Variants in FBLN2 observed in about 807,000 individuals in gnomAD.
The protein encoded by FBLN2 is fibulin 2.
Under a neutral mutation model 123.7 loss-of-function variants are expected in FBLN2, and 81 were observed. The ratio of observed to expected loss-of-function variants is 0.65; its 90% CI spans 0.55 to 0.79. The LOEUF is 0.79. Ranked by LOEUF, FBLN2 falls within the 30% of genes least tolerant of loss-of-function variation. FBLN2 has a pLI of 0.00. For synonymous variants in FBLN2, 699 were observed against 701.4 expected, an observed-to-expected ratio of 1.00 and a Z score of 0.05; for missense variants, 1,603 against 1,681.3, an observed-to-expected ratio of 0.95 and a Z score of 0.81.
intron 1 of FBLN2, among the ~76,000 whole-genome samples, chr3:13,551,816 A>T (rs1703330863): frequency 6.6e-6 from 1 of 150,432 alleles, no homozygotes; most frequent in Non-Finnish European, 1.5e-5. Flanking sequence ...CTGGGATTAC[A>T]GGTGTGAGCC....
chr3:13,579,645 C>T lies in FBLN2; in HGVS notation c.1306+7984C>T, dbSNP rs76609561. ...AAGTCCCCTTTCTGTGTTTGATGGC[C>T]GTGGTGCCCCACAGCATGCAAACCC... On this transcript the variant is annotated intron_variant, in intron 2 of 17. Transcript: ENST00000404922. 4.6e-3 allele frequency among the ~76,000 whole-genome samples: 699 copies of T among 152,318 alleles called. 4 individuals are homozygous for T. The highest frequency in any genetic ancestry group is 0.013 in the South Asian group (64 of 4,824).
chr3:13,597,654 G>A (rs1704890205), intron 2 of FBLN2, among the ~76,000 whole-genome samples: 2 of 152,204 alleles, frequency 1.3e-5, no homozygotes, highest in African/African-American at 4.8e-5. Flanking sequence ...GTGGGCACTT[G>A]GAAACCACCT....
intron 16 of FBLN2, among the ~76,000 whole-genome samples, chr3:13,632,273 C>T (rs1444474000): frequency 6.6e-6 from 1 of 152,236 alleles, no homozygotes; most frequent in African/African-American, 2.4e-5. Flanking sequence ...CCCTCGGCCC[C>T]TCGGTCCCTT....
chr3:13,629,152 C>A lies in FBLN2; in HGVS notation c.2714-12C>A, dbSNP rs753039197. On this transcript the variant is annotated splice_polypyrimidine_tract_variant and intron_variant, in intron 12 of 17. Transcript: ENST00000404922. ...GCCCCAGGCCTCAAGGTACCCTGCT[C>A]ACCCCCCACAGACGTGAATGAGTGT... 6.2e-7 allele frequency: 1 copy of A among 1,612,650 alleles called. No individual in the cohort carries two copies. Among genetic ancestry groups the A allele is most frequent in the South Asian group, 1.1e-5 (1 of 91,054 alleles).
chr3:13,612,382 C>T (rs1217376461), intron 4 of FBLN2, among the ~76,000 whole-genome samples: 2 of 127,778 alleles, frequency 1.6e-5, no homozygotes, highest in Non-Finnish European at 3.2e-5. Flanking sequence ...CTCTGTCTGT[C>T]TGTCTGTCTT....
At chr3:13,609,688 G>GCCCC in intron 4 of FBLN2, 46 bp downstream of exon 4, 1 of 512,586 alleles carries the variant, frequency 2.0e-6, no homozygotes, top group Non-Finnish European at 3.6e-6. Flanking sequence ...GTGGGGCGGG[G>GCCCC]CGGGAGGCTG....
At chr3:13,578,077 G>A (rs557976500) in intron 2 of FBLN2, among the ~76,000 whole-genome samples, 40 of 152,340 alleles carry the variant, frequency 2.6e-4, no homozygotes, top group South Asian at 4.1e-4. Context: ...GGCAAAATGC[G>A]TGCATTTCAC....
chr3:13,579,266 C>A (rs538764404), intron 2 of FBLN2, among the ~76,000 whole-genome samples: 3 of 152,310 alleles, frequency 2.0e-5, no homozygotes, highest in South Asian at 2.1e-4. Context: ...GCTCTAGAAA[C>A]TTCTAGAATA....
intron 2 of FBLN2, among the ~76,000 whole-genome samples, chr3:13,600,028 A>C (rs562003439): frequency 1.5e-5 from 2 of 137,470 alleles, no homozygotes; most frequent in South Asian, 4.2e-4. Context: ...AGAGAGAGAG[A>C]GAGAGAGAGA....
chr3:13,574,847 C>T (rs1704081692), intron 2 of FBLN2, among the ~76,000 whole-genome samples: 2 of 152,176 alleles, frequency 1.3e-5, no homozygotes, highest in Non-Finnish European at 2.9e-5. Context: ...CTCAGTTGGG[C>T]AGCCCGATCC....
chr3:13,575,589 G>A (rs1169423716), intron 2 of FBLN2, among the ~76,000 whole-genome samples: 1 of 152,142 alleles, frequency 6.6e-6, no homozygotes, highest in Non-Finnish European at 1.5e-5. Context: ...ATTTGAGAAA[G>A]CTCAGGGCAG....
At chr3:13,606,093 A>T (rs6793601) in intron 2 of FBLN2, among the ~76,000 whole-genome samples, 85,471 of 151,742 alleles carry the variant, frequency 0.56, 24,431 homozygotes, top group African/African-American at 0.65. Flanking sequence ...GGAGTTGGAG[A>T]TTCGCCATGT....
intron 2 of FBLN2, among the ~76,000 whole-genome samples, chr3:13,574,717 C>G (rs907207224): frequency 6.6e-6 from 1 of 152,150 alleles, no homozygotes; most frequent in Admixed American, 6.5e-5. Flanking sequence ...CTGAGCAGGG[C>G]AAAGCCACCT....
chr3:13,624,529 T>G (rs1430539271), intron 9 of FBLN2, among the ~76,000 whole-genome samples: 1 of 152,150 alleles, frequency 6.6e-6, no homozygotes, highest in Non-Finnish European at 1.5e-5. Context: ...CATCCCCGGG[T>G]CTGCCTGGCC....
chr3:13,592,018 CTTT>C (rs869103466), intron 2 of FBLN2, among the ~76,000 whole-genome samples: 2 of 131,972 alleles, frequency 1.5e-5, no homozygotes, highest in African/African-American at 2.8e-5. Context: ...CCTCTCTTTT[CTTT>C]TTTTTTTTTT....
At chr3:13,570,170 TGA>T in intron 1 of FBLN2, 143 bp from the exon 2 acceptor site, 1 of 810,578 alleles carries the variant, frequency 1.2e-6, no homozygotes, top group Admixed American at 3.1e-5. Flanking sequence ...TGTGTGTGTG[TGA>T]GGCAGTGCTT....
At chr3:13,572,109 A>C (rs1703983397) in intron 2 of FBLN2, among the ~76,000 whole-genome samples, 1 of 152,216 alleles carries the variant, frequency 6.6e-6, no homozygotes, top group Non-Finnish European at 1.5e-5. Context: ...TTTTTCAACA[A>C]ATGTCAGCCA....
In FBLN2 at chr3:13,619,734, T is replaced by C; in HGVS notation, c.2058T>C (p.Asn686=). Residue 686 remains asparagine, a synonymous_variant, in exon 8 of 18, where the codon AAT becomes AAC. Coordinates refer to ENST00000404922, the MANE Select transcript of FBLN2 (RefSeq NM_001004019.2). The part of the protein sequence containing the change: ...PLPQPNTCKD[N]GPCKQVCSTV... ...TTTCTGTGTGGTTTCCTCCAGACAA[T>C]GGACCCTGCAAGCAGGTGTGCAGCA... 2.5e-6 allele frequency: 4 copies of C among 1,613,174 alleles called. No individual in the cohort carries two copies. The highest frequency in any genetic ancestry group is 2.5e-6 in the Non-Finnish European group (3 of 1,179,402).
intron 1 of FBLN2, among the ~76,000 whole-genome samples, chr3:13,557,163 T>A (rs1278036559): frequency 6.6e-6 from 1 of 152,188 alleles, no homozygotes; most frequent in Non-Finnish European, 1.5e-5. Flanking sequence ...CAGCTGTGGC[T>A]GGGGAGGGTC....
Sources: allele counts gnomAD v4.1 joint callset (sites outside exome capture counted in the v4.1 genomes callset), GRCh38; gene constraint gnomAD v4.1.1; transcripts MANE v1.5; gene names NCBI Gene and HGNC (gene_info 2026-07-23, HGNC 2026-07-21).